The following LRBA variants were observed in gnomAD, a reference collection of about 807,000 sequenced individuals.
LRBA encodes lipopolysaccharide-responsive and beige-like anchor protein.
A neutral mutation model predicts 330.0 loss-of-function variants in LRBA; 176 were observed. The ratio of observed to expected loss-of-function variants is 0.53; its 90% CI spans 0.47 to 0.60. LRBA has a LOEUF of 0.60. Among genes scored for constraint, LRBA ranks in the 20% least tolerant of loss-of-function variants. The pLI is 0.00. For missense variants in LRBA, 3,259 were observed against 3,444.8 expected (o/e 0.95, Z 1.35); for synonymous variants, 1,230 against 1,193.0 (o/e 1.03, Z -0.64).
At chr4:150,914,670 CA>C (rs1732388833) in intron 8 of LRBA, among the ~76,000 whole-genome samples, 1 of 152,050 alleles carries the variant, frequency 6.6e-6, no homozygotes, top group African/African-American at 2.4e-5. Flanking sequence ...GCTTATCTTG[CA>C]AGGTTGCTGG....
Position 150,849,537 on chromosome 4 carries a change from C to T in LRBA, c.4043G>A (p.Ser1348Asn). 2.5e-6 allele frequency: 4 copies of T among 1,613,216 alleles called. No individual in the cohort carries two copies. Among genetic ancestry groups the T allele is most frequent in the South Asian group, 1.1e-5 (1 of 91,040 alleles). The change falls in exon 25 of 57, where the codon AGT (serine) becomes AAT (asparagine). Residue 1348 changes from serine to asparagine, a missense_variant. Physicochemically the swap from Ser to Asn is conservative, Grantham distance 46. Transcript: ENST00000651943. ...GTTGTGTACAAAGATGACATTATCA[C>T]TGCTATTCACGAAGTCCATAACTGT... The part of the protein sequence containing the change: ...TKTVMDFVNS[S>N]DNVIFVHNTI...
At chr4:150,615,141 C>A (rs183126574) in intron 37 of LRBA, among the ~76,000 whole-genome samples, 1 of 152,300 alleles carries the variant, frequency 6.6e-6, no homozygotes, top group East Asian at 1.9e-4. Flanking sequence ...GAGGCAGACA[C>A]ACTTGGTGAA....
intron 13 of LRBA, among the ~76,000 whole-genome samples, chr4:150,901,613 A>C (rs1333043703): frequency 2.0e-5 from 3 of 152,204 alleles, no homozygotes; most frequent in Non-Finnish European, 4.4e-5. Flanking sequence ...GAGAGCAAAA[A>C]GTAGGTACCT....
intron 28 of LRBA, among the ~76,000 whole-genome samples, chr4:150,837,394 G>A (rs1331507075): frequency 2.0e-5 from 3 of 152,092 alleles, no homozygotes; most frequent in Admixed American, 2.0e-4. Context: ...TGACGGTGGG[G>A]TGTGAAAGTC....
chr4:150,414,817 T>C (rs1747501433), intron 47 of LRBA, among the ~76,000 whole-genome samples: 1 of 152,146 alleles, frequency 6.6e-6, no homozygotes, highest in Non-Finnish European at 1.5e-5. Context: ...ATACTAAGAA[T>C]AAAGCTCCCT....
chr4:150,268,737 A>G (rs985341565), intron 56 of LRBA, among the ~76,000 whole-genome samples: 2 of 152,270 alleles, frequency 1.3e-5, no homozygotes, highest in Non-Finnish European at 2.9e-5. Context: ...CAATAGGAGT[A>G]GAAGGAAACT....
rs548278042 is a variant in LRBA at position 150,652,142 on chromosome 4, T to C, written c.5921+31409A>G. Among the ~76,000 whole-genome samples the C allele has an allele frequency of 3.9e-5, 6 of 152,218 alleles. No homozygotes were observed. In the East Asian group the frequency reaches 9.7e-4, roughly 24 times the overall value. On this transcript the variant is annotated intron_variant, in intron 37 of 56. Transcript: ENST00000651943. ...TGAGCCACTACGCGGGGCACCAATA[T>C]CATTTTCACACCTATACAAGTTAGG...
At chr4:150,889,767 A>G (rs1194227805) in intron 17 of LRBA, among the ~76,000 whole-genome samples, 2 of 152,192 alleles carry the variant, frequency 1.3e-5, no homozygotes, top group Non-Finnish European at 2.9e-5. Context: ...TATGGGCCAT[A>G]TCATCTCTGT....
chr4:150,878,558 A>C (rs907934512), intron 17 of LRBA, among the ~76,000 whole-genome samples: 2 of 151,986 alleles, frequency 1.3e-5, no homozygotes, highest in Admixed American at 6.6e-5. Flanking sequence ...CAAAACGAAA[A>C]GCTGGTTATT....
intron 36 of LRBA, among the ~76,000 whole-genome samples, chr4:150,711,479 C>G (rs1786212198): frequency 1.3e-5 from 2 of 152,078 alleles, no homozygotes; most frequent in South Asian, 4.2e-4. Flanking sequence ...CTCAAGTGAT[C>G]CACCCACCTC....
chr4:150,822,649 GGGACT>G lies in LRBA; in HGVS notation c.5172-5397_5172-5393del, dbSNP rs199854653. 8.8e-3 allele frequency among the ~76,000 whole-genome samples: 1,334 copies of G among 152,180 alleles called. 7 individuals are homozygous for G. Among genetic ancestry groups the G allele is most frequent in the Non-Finnish European group, 0.015 (1,030 of 67,998 alleles). On this transcript the variant is annotated intron_variant, in intron 30 of 56. Coordinates refer to ENST00000651943, the MANE Select transcript of LRBA (RefSeq NM_001364905.1). ...GGACATGTTGGTCCCAGCTACTCAG[GGGACT>G]GAGGAAGAACGATCCCTTGATCCCA...
chr4:150,665,337 A>C (rs778192909), intron 37 of LRBA, among the ~76,000 whole-genome samples: 2 of 152,226 alleles, frequency 1.3e-5, no homozygotes, highest in Non-Finnish European at 2.9e-5. Flanking sequence ...CAGTCTAAGC[A>C]CAGTGAGCCA....
At position 150,409,915 on chromosome 4, in the gene LRBA, G is replaced by A. The variant is rs548245384; in HGVS notation, c.7194+5523C>T. Reference sequence around the variant, plus strand: ...TTTAAATCCAACCACTGCACTGGGAGTAAAGAGGATGAAGACATGAGAGGG... The same window carrying A: ...TTTAAATCCAACCACTGCACTGGGAATAAAGAGGATGAAGACATGAGAGGG... On this transcript the variant is annotated intron_variant, in intron 47 of 56. Transcript: ENST00000651943. 2.0e-5 allele frequency among the ~76,000 whole-genome samples: 3 copies of A among 152,216 alleles called. No individual in the cohort carries two copies. In the South Asian group the frequency reaches 6.2e-4, roughly 32 times the overall value.
intron 13 of LRBA, among the ~76,000 whole-genome samples, chr4:150,903,293 G>A (rs1730961823): frequency 6.6e-6 from 1 of 152,166 alleles, no homozygotes; most frequent in Admixed American, 6.5e-5. Context: ...GCTGAGGCAG[G>A]AGGACTGATT....
At chr4:151,009,986 AT>A (rs201736148) in intron 2 of LRBA, among the ~76,000 whole-genome samples, 11 of 148,276 alleles carry the variant, frequency 7.4e-5, no homozygotes, top group South Asian at 2.1e-4. Context: ...TCTCAAAAAA[AT>A]AAATAAATAA....
intron 37 of LRBA, among the ~76,000 whole-genome samples, chr4:150,644,598 T>C (rs1778964532): frequency 6.6e-6 from 1 of 151,874 alleles, no homozygotes; most frequent in Admixed American, 6.6e-5. Flanking sequence ...ATAAAGCAAA[T>C]GATTCCAAAT....
intron 37 of LRBA, among the ~76,000 whole-genome samples, chr4:150,668,402 C>T (rs766821570): frequency 6.6e-6 from 1 of 152,184 alleles, no homozygotes; most frequent in South Asian, 2.1e-4. Context: ...CCAAATCATA[C>T]TAAACACAGA....
chr4:150,833,392 T>A (rs1044116827), intron 28 of LRBA, among the ~76,000 whole-genome samples: 4 of 151,964 alleles, frequency 2.6e-5, no homozygotes, highest in African/African-American at 9.7e-5. Context: ...AAATTTAAAA[T>A]AAGAACATGA....
chr4:150,343,308 C>T (rs1463405986), intron 48 of LRBA, among the ~76,000 whole-genome samples: 2 of 152,186 alleles, frequency 1.3e-5, no homozygotes, highest in African/African-American at 4.8e-5. Context: ...TCTCCACCCT[C>T]ACAGCACTTT....
Sources: gnomAD v4.1 joint callset for allele counts (sites outside exome capture counted in the v4.1 genomes callset) on GRCh38, gnomAD v4.1.1 for gene constraint, MANE v1.5 for transcripts, NCBI Gene and HGNC (gene_info 2026-07-23, HGNC 2026-07-21) for gene names.